Variants in CCR5AS observed in about 807,000 individuals in gnomAD.
CCR5AS encodes the protein CCR5 antisense RNA.
At chr3:46,373,410 CA>C in intron 2 of CCR5AS, 1 of 1,614,096 alleles carries the variant, frequency 6.2e-7, no homozygotes, top group Non-Finnish European at 8.5e-7. Context: ...TACCAGATCT[CA>C]AAAAGAAGGT....
intron 2 of CCR5AS, among the ~76,000 whole-genome samples, chr3:46,378,361 C>T (rs1012522409): frequency 2.0e-5 from 3 of 151,948 alleles, no homozygotes; most frequent in African/African-American, 4.8e-5. Context: ...ACAAGACTGA[C>T]TTCTATTTGC....
intron 1 of CCR5AS, among the ~76,000 whole-genome samples, chr3:46,396,995 T>A (rs1701966143): frequency 6.6e-6 from 1 of 152,234 alleles, no homozygotes; most frequent in Non-Finnish European, 1.5e-5. Flanking sequence ...CACTCTCTCT[T>A]TTCTTGCCCC....
At chr3:46,396,862 T>C (rs1236831766) in intron 1 of CCR5AS, among the ~76,000 whole-genome samples, 1 of 152,212 alleles carries the variant, frequency 6.6e-6, no homozygotes, top group Non-Finnish European at 1.5e-5. Context: ...TCAGAGAGCC[T>C]GAGCCCTGGA....
chr3:46,391,549 G>A (rs1701914508), intron 2 of CCR5AS, among the ~76,000 whole-genome samples: 1 of 152,158 alleles, frequency 6.6e-6, no homozygotes, highest in Non-Finnish European at 1.5e-5. Context: ...AACAGGCCAT[G>A]GACTCAGCTG....
intron 2 of CCR5AS, among the ~76,000 whole-genome samples, chr3:46,383,710 C>T (rs1379591887): frequency 6.6e-6 from 1 of 152,098 alleles, no homozygotes; most frequent in East Asian, 1.9e-4. Context: ...GAGCTTCTGT[C>T]CTCCTTCAAG....
chr3:46,402,882 C>T (rs1222562046), intron 1 of CCR5AS, among the ~76,000 whole-genome samples: 1 of 152,156 alleles, frequency 6.6e-6, no homozygotes, highest in African/African-American at 2.4e-5. Flanking sequence ...CTGCTCCTCT[C>T]CCTCCTCCCG....
At chr3:46,398,446 G>A (rs539189258) in intron 1 of CCR5AS, among the ~76,000 whole-genome samples, 2 of 152,112 alleles carry the variant, frequency 1.3e-5, no homozygotes, top group African/African-American at 2.4e-5. Context: ...GAAGCTCCAC[G>A]CACTAGTATA....
chr3:46,398,243 C>T (rs1040369886), intron 1 of CCR5AS, among the ~76,000 whole-genome samples: 10 of 152,152 alleles, frequency 6.6e-5, no homozygotes, highest in African/African-American at 2.4e-4. Context: ...CATTGATGCC[C>T]TCAATGTTCC....
At chr3:46,395,520 C>T (rs888411018) in intron 1 of CCR5AS, among the ~76,000 whole-genome samples, 1 of 152,128 alleles carries the variant, frequency 6.6e-6, no homozygotes, top group African/African-American at 2.4e-5. Context: ...GAAGTGTCAG[C>T]AACGTCAAAT....
intron 2 of CCR5AS, among the ~76,000 whole-genome samples, chr3:46,376,846 C>G (rs1012159442): frequency 6.6e-6 from 1 of 152,124 alleles, no homozygotes; most frequent in Non-Finnish European, 1.5e-5. Context: ...CACTCATCTC[C>G]CAGCACAGGT....
intron 2 of CCR5AS, among the ~76,000 whole-genome samples, chr3:46,380,688 C>T (rs1701808401): frequency 6.6e-6 from 1 of 152,240 alleles, no homozygotes; most frequent in Non-Finnish European, 1.5e-5. Context: ...ACTCGTGACT[C>T]CCTTCACGAT....
intron 2 of CCR5AS, among the ~76,000 whole-genome samples, chr3:46,384,354 G>A (rs1421378397): frequency 6.6e-6 from 1 of 152,212 alleles, no homozygotes; most frequent in East Asian, 1.9e-4. Context: ...ACAAAGAAAA[G>A]GGAAGATGAA....
intron 2 of CCR5AS, chr3:46,373,768 A>C: frequency 6.2e-7 from 1 of 1,613,692 alleles, no homozygotes; most frequent in Middle Eastern, 1.7e-4. Context: ...GGGATGACGC[A>C]CTGCTGCATC....
intron 1 of CCR5AS, among the ~76,000 whole-genome samples, chr3:46,401,262 G>A (rs978856587): frequency 3.9e-5 from 6 of 152,294 alleles, no homozygotes; most frequent in Admixed American, 6.5e-5. Flanking sequence ...GAAAGGGATC[G>A]AAATGCTGCA....
downstream of CCR5AS, among the ~76,000 whole-genome samples, chr3:46,364,300 A>G (rs1701580298): frequency 6.6e-6 from 1 of 152,240 alleles, no homozygotes; most frequent in African/African-American, 2.4e-5. Flanking sequence ...TTCATTTACT[A>G]TTTTGTAAAT....
intron 2 of CCR5AS, among the ~76,000 whole-genome samples, chr3:46,380,747 C>G (rs1270286046): frequency 6.6e-6 from 1 of 152,252 alleles, no homozygotes; most frequent in Non-Finnish European, 1.5e-5. Flanking sequence ...ATTGGAGTCA[C>G]TCAGGGAGTT....
At chr3:46,375,392 C>G (rs185327310) in intron 2 of CCR5AS, 1 of 167,164 alleles carries the variant, frequency 6.0e-6, no homozygotes, top group Admixed American at 6.5e-5. Flanking sequence ...TTAGCACATA[C>G]TACACATTCA....
chr3:46,378,240 C>A (rs1176271704), intron 2 of CCR5AS, among the ~76,000 whole-genome samples: 1 of 152,040 alleles, frequency 6.6e-6, no homozygotes, highest in Non-Finnish European at 1.5e-5. Flanking sequence ...ATTCTGTATA[C>A]AAATACATAT....
intron 3 of CCR5AS, among the ~76,000 whole-genome samples, chr3:46,368,943 G>C (rs1182082103): frequency 6.6e-6 from 1 of 152,108 alleles, no homozygotes; most frequent in African/African-American, 2.4e-5. Context: ...GCAGCCTCCG[G>C]GGGTTCTGCA....
Sources: gnomAD v4.1 joint callset for allele counts (sites outside exome capture counted in the v4.1 genomes callset) on GRCh38, gnomAD v4.1.1 for gene constraint, MANE v1.5 for transcripts, NCBI Gene and HGNC (gene_info 2026-07-23, HGNC 2026-07-21) for gene names.